Variants in VRK3 observed in about 807,000 individuals in gnomAD.
The protein encoded by VRK3 is serine/threonine-protein kinase VRK3.
VRK3 carries 50 observed loss-of-function variants against 60.4 expected under a neutral mutation model. The observed-to-expected ratio is 0.83, with a 90% CI of 0.66 to 1.05. VRK3 has a LOEUF of 1.05. Ranked by LOEUF, VRK3 falls within the 50% of genes least tolerant of loss-of-function variation. The pLI, the probability that VRK3 is intolerant of heterozygous loss-of-function variation, is 0.00. For synonymous variants in VRK3, 246 were observed against 227.8 expected, an observed-to-expected ratio of 1.08 and a Z score of -0.72; for missense variants, 549 against 585.3, an observed-to-expected ratio of 0.94 and a Z score of 0.64.
intron 3 of VRK3, among the ~76,000 whole-genome samples, chr19:50,014,558 A>C (rs10425966): frequency 0.054 from 7,998 of 149,290 alleles, 696 homozygotes; most frequent in African/African-American, 0.18. Flanking sequence ...GCCTGGGCGA[A>C]AGAGCAAGAC....
intron 12 of VRK3, chr19:49,987,046 T>C (rs1347543507): frequency 6.6e-6 from 1 of 152,230 alleles, no homozygotes; most frequent in Admixed American, 6.5e-5. Context: ...GGCTAATTTT[T>C]GTTATTTTCA....
At chr19:50,006,681 A>C (rs2076897503) in intron 5 of VRK3, among the ~76,000 whole-genome samples, 1 of 152,178 alleles carries the variant, frequency 6.6e-6, no homozygotes, top group South Asian at 2.1e-4. Flanking sequence ...GGCCAATAAA[A>C]GAATAACTTT....
intron 14 of VRK3, among the ~76,000 whole-genome samples, chr19:49,977,058 G>GTGAGGATGCCTCAT (rs1357700719): frequency 7.9e-5 from 12 of 152,214 alleles, no homozygotes; most frequent in Non-Finnish European, 1.6e-4. Context: ...TGGGGAGGCA[G>GTGAGGATGCCTCAT]TGAGGATGCC....
chr19:50,016,152 AAGG>A lies in VRK3; in HGVS notation c.8_10del (p.Ser3del). The stretch of plus-strand genomic sequence containing the variant: ...GATACTTTTGCCACAGTCTGGACAG[AAGG>A]AGATCATGCTACAAAACAGAATGAA... On this transcript the variant is annotated inframe_deletion, in exon 3 of 15. Transcript: ENST00000316763. 1 of 1,614,144 alleles carries A rather than the reference AAGG, an allele frequency of 6.2e-7. No individual in the cohort carries two copies.
chr19:50,019,509 A>G, intron 2 of VRK3, among the ~76,000 whole-genome samples: 1 of 150,416 alleles, frequency 6.6e-6, no homozygotes, highest in African/African-American at 2.4e-5. Context: ...CAGACTGTAC[A>G]CTTCTTTTTT....
chr19:49,979,109 G>A lies in VRK3; in HGVS notation c.1410C>T (p.Leu470=). 1 of 1,610,384 alleles carries A rather than the reference G, an allele frequency of 6.2e-7. No individual in the cohort carries two copies. Reference sequence around the variant, plus strand: ...TGGATTCCACCTAGGGCACCATCGGGAGGCCAATGGGGTCATATGGAGACA... The same window carrying A: ...TGGATTCCACCTAGGGCACCATCGGAAGGCCAATGGGGTCATATGGAGACA... ...LRVSPYDPIG[L]PMVP The change falls in exon 14 of 15, where the codon CTC becomes CTT. Residue 470 remains leucine, a synonymous_variant. Transcript: ENST00000316763.
intron 6 of VRK3, chr19:49,999,087 C>T (rs933575056): frequency 6.6e-6 from 1 of 151,868 alleles, no homozygotes. Context: ...TGCACCGCTG[C>T]ACTCCAGCCT....
intron 2 of VRK3, among the ~76,000 whole-genome samples, chr19:50,018,338 CTTT>C (rs1261943298): frequency 4.6e-5 from 7 of 152,312 alleles, no homozygotes; most frequent in South Asian, 2.1e-4. Flanking sequence ...TCCCTTTCTT[CTTT>C]GATAGGAAGT....
intron 12 of VRK3, among the ~76,000 whole-genome samples, chr19:49,987,312 T>C (rs377291956): frequency 1.3e-5 from 2 of 152,228 alleles, no homozygotes; most frequent in African/African-American, 2.4e-5. Flanking sequence ...CCCACATCCC[T>C]AGCACTTCCC....
chr19:49,995,211 A>G lies in VRK3; in HGVS notation c.744T>C (p.Gly248=). ...LLAIPTCMGF[G]VHQDKYRFLV... ...CTCACCTGTATTTGTCCTGGTGAAC[A>G]CCGAAACCCATGCAGGTAGGGATGG... is the stretch of plus-strand genomic sequence containing the variant. The change falls in exon 8 of 15, where the codon GGT becomes GGC. Residue 248 remains glycine (G), a synonymous_variant. Coordinates refer to ENST00000316763, the MANE Select transcript of VRK3 (RefSeq NM_016440.4). 1 of 1,614,174 alleles carries G rather than the reference A, an allele frequency of 6.2e-7. No homozygotes were observed. Among genetic ancestry groups the G allele is most frequent in the Non-Finnish European group, 8.5e-7 (1 of 1,180,036 alleles).
intron 3 of VRK3, among the ~76,000 whole-genome samples, chr19:50,013,955 A>G (rs76089359): frequency 0.053 from 8,009 of 152,208 alleles, 692 homozygotes; most frequent in African/African-American, 0.18. Context: ...TCTCTGAGAA[A>G]GTAACAATTG....
In VRK3 at chr19:49,995,264, T is replaced by C. The variant is rs1257854214; in HGVS notation, c.691A>G (p.Lys231Glu). Residue 231 changes from lysine to glutamate, a missense_variant, in exon 8 of 15, where the codon AAG (lysine) becomes GAG (glutamate). Lys to Glu is a moderately conservative substitution (Grantham distance 56). Coordinates refer to ENST00000316763, the MANE Select transcript of VRK3 (RefSeq NM_016440.4). ...AAKPLQVNKW[K>E]KLYSTPLLAI... is the part of the protein sequence containing the mutation. Reference sequence around the variant, plus strand: ...AGCAGTGGGGTCGAGTACAGCTTCTTCCACTTGTTGACTGCGGAAAGCAGG... The same window carrying C: ...AGCAGTGGGGTCGAGTACAGCTTCTCCCACTTGTTGACTGCGGAAAGCAGG... 1.9e-6 allele frequency: 3 copies of C among 1,614,008 alleles called. No homozygotes were observed. The highest frequency in any genetic ancestry group is 1.3e-5 in the African/African-American group (1 of 74,918).
At chr19:49,983,886 G>C (rs2076467157) in intron 12 of VRK3, among the ~76,000 whole-genome samples, 1 of 152,132 alleles carries the variant, frequency 6.6e-6, no homozygotes, top group Admixed American at 6.5e-5. Context: ...TGCATCTGGG[G>C]GACAGTGTCA....
chr19:50,004,027 C>T (rs182593576), intron 5 of VRK3, among the ~76,000 whole-genome samples: 108 of 152,242 alleles, frequency 7.1e-4, no homozygotes, highest in African/African-American at 2.3e-3. Context: ...ATAGTGAGAT[C>T]GTCTCTACTT....
Position 49,995,190 on chromosome 19 carries a change from C to T in VRK3, c.764+1G>A. ...GGCAAGCAGTGAGCAGAGCAGCTCA[C>T]CTGTATTTGTCCTGGTGAACACCGA... is the stretch of plus-strand genomic sequence containing the variant. On this transcript the variant is annotated splice_donor_variant, in intron 8 of 14. Transcript: ENST00000316763. LOFTEE classifies it high-confidence loss of function. 2 of 1,614,114 alleles carry T rather than the reference C, an allele frequency of 1.2e-6. No individual in the cohort carries two copies. The highest frequency in any genetic ancestry group is 2.2e-5 in the East Asian group (1 of 44,890).
At chr19:49,983,243 C>T (rs906849562) in intron 12 of VRK3, among the ~76,000 whole-genome samples, 2 of 152,082 alleles carry the variant, frequency 1.3e-5, no homozygotes, top group African/African-American at 4.8e-5. Flanking sequence ...CCTAGGCCCA[C>T]GAGGCCACAC....
In VRK3 at chr19:50,007,583, C is replaced by A; in HGVS notation, c.533G>T (p.Gly178Val). 6.2e-7 allele frequency: 1 copy of A among 1,614,250 alleles called. No homozygotes were observed. The highest frequency in any genetic ancestry group is 8.5e-7 in the Non-Finnish European group (1 of 1,180,050). The stretch of plus-strand genomic sequence containing the variant: ...ACAGAGTGTACCTTCATAGAGAATG[C>A]CCTGGTTGTCCCTGGTCTGGAAGGA... ...LKSFQTRDNQ[G>V]ILYEAAPTST... The change falls in exon 5 of 15, where the codon GGC (glycine) becomes GTC (valine). Residue 178 changes from glycine to valine, a missense_variant. Gly to Val is a moderately radical substitution (Grantham distance 109). Transcript: ENST00000316763.
intron 3 of VRK3, among the ~76,000 whole-genome samples, chr19:50,011,565 G>A (rs183641002): frequency 2.0e-5 from 3 of 152,136 alleles, no homozygotes; most frequent in African/African-American, 4.8e-5. Flanking sequence ...AAGCTCTTCC[G>A]CAGCTCTCCA....
At chr19:49,981,320 G>T in intron 12 of VRK3, 1 of 338,666 alleles carries the variant, frequency 3.0e-6, no homozygotes, top group Non-Finnish European at 5.5e-6. Flanking sequence ...GCCGAGGGGG[G>T]TGGATCACGA....
Sources: gnomAD v4.1 joint callset for allele counts (sites outside exome capture counted in the v4.1 genomes callset) on GRCh38, gnomAD v4.1.1 for gene constraint, MANE v1.5 for transcripts, NCBI Gene and HGNC (gene_info 2026-07-23, HGNC 2026-07-21) for gene names.